The following CCSER1 variants were observed in gnomAD, a reference collection of about 807,000 sequenced individuals.
CCSER1 encodes coiled-coil serine rich protein 1, also known as serine-rich coiled-coil domain-containing protein 1.
Under a neutral mutation model 82.0 loss-of-function variants are expected in CCSER1, and 41 were observed. The observed-to-expected ratio is 0.50, with a 90% CI of 0.39 to 0.65. CCSER1 has a LOEUF of 0.65. CCSER1 is among the 30% of genes least tolerant of loss of function. CCSER1 has a pLI of 0.00. For synonymous variants in CCSER1, 414 were observed against 383.9 expected, an observed-to-expected ratio of 1.08 and a Z score of -0.92; for missense variants, 1,119 against 1,064.2, an observed-to-expected ratio of 1.05 and a Z score of -0.72.
chr4:91,230,682 T>G (rs2149114879), intron 10 of CCSER1, among the ~76,000 whole-genome samples: 1 of 152,022 alleles, frequency 6.6e-6, no homozygotes, highest in Non-Finnish European at 1.5e-5. Context: ...AGGTAAAAGA[T>G]AATACAATAT....
rs893841392 is a variant in CCSER1, at chr4:90,531,822, A to G, written c.1724+63468A>G. Among the ~76,000 whole-genome samples, 3 of 152,124 alleles carry G rather than the reference A, an allele frequency of 2.0e-5. No homozygotes were observed. The South Asian group carries it at 6.2e-4, about 32-fold the overall frequency. ...GCCTTTTCACAAGACTCAGCTACCT[A>G]GTTTTCTTATTAAATTTTGCTCAAA... On this transcript the variant is annotated intron_variant, in intron 5 of 10. Transcript: ENST00000509176.
intron 3 of CCSER1, among the ~76,000 whole-genome samples, chr4:90,388,038 A>G (rs902512743): frequency 6.6e-6 from 1 of 152,252 alleles, no homozygotes. Flanking sequence ...CTAGTATATC[A>G]CCATGAGAAA....
intron 10 of CCSER1, among the ~76,000 whole-genome samples, chr4:91,549,315 AATTC>A (rs1235641749): frequency 4.6e-5 from 7 of 151,890 alleles, no homozygotes; most frequent in Non-Finnish European, 8.8e-5. Context: ...AGTTTTATGA[AATTC>A]ATTATTTGTA....
chr4:90,816,350 AGT>A (rs1425703473), intron 8 of CCSER1, among the ~76,000 whole-genome samples: 1 of 152,094 alleles, frequency 6.6e-6, no homozygotes, highest in Non-Finnish European at 1.5e-5. Context: ...AAAAATATGC[AGT>A]GTGTGTGGTT....
At chr4:90,555,735 A>C (rs114243525) in intron 5 of CCSER1, among the ~76,000 whole-genome samples, 1 of 152,016 alleles carries the variant, frequency 6.6e-6, no homozygotes, top group South Asian at 2.1e-4. Context: ...ACCTATTTAC[A>C]CTTCATTTGA....
chr4:91,156,919 G>T (rs907381214), intron 10 of CCSER1, among the ~76,000 whole-genome samples: 4 of 151,852 alleles, frequency 2.6e-5, no homozygotes, highest in Non-Finnish European at 5.9e-5. Context: ...TCTTATAGCA[G>T]TGATACTTAC....
At chr4:90,715,032 A>T (rs1741367481) in intron 6 of CCSER1, among the ~76,000 whole-genome samples, 1 of 151,934 alleles carries the variant, frequency 6.6e-6, no homozygotes, top group African/African-American at 2.4e-5. Flanking sequence ...CCATAACTTG[A>T]TGTTAGCATC....
intron 8 of CCSER1, among the ~76,000 whole-genome samples, chr4:90,836,820 A>G (rs998036952): frequency 6.6e-6 from 1 of 152,196 alleles, no homozygotes; most frequent in Non-Finnish European, 1.5e-5. Context: ...AATGATCTAA[A>G]TCAGATGTTG....
At chr4:91,241,737 T>C (rs1000312829) in intron 10 of CCSER1, among the ~76,000 whole-genome samples, 2 of 152,310 alleles carry the variant, frequency 1.3e-5, no homozygotes, top group Non-Finnish European at 2.9e-5. Flanking sequence ...TTTTAAAATT[T>C]TATTTACACA....
chr4:90,340,832 A>G (rs1424189327), intron 3 of CCSER1, among the ~76,000 whole-genome samples: 1 of 152,102 alleles, frequency 6.6e-6, no homozygotes, highest in African/African-American at 2.4e-5. Flanking sequence ...TCAGTTATCG[A>G]TGATCCAGCC....
chr4:91,247,046 A>T (rs1197429245), intron 10 of CCSER1, among the ~76,000 whole-genome samples: 1 of 152,184 alleles, frequency 6.6e-6, no homozygotes, highest in Non-Finnish European at 1.5e-5. Context: ...TCACACCTGT[A>T]ATCCCAGCAC....
At chr4:90,649,798 T>A (rs547484900) in intron 6 of CCSER1, among the ~76,000 whole-genome samples, 1 of 152,244 alleles carries the variant, frequency 6.6e-6, no homozygotes, top group Non-Finnish European at 1.5e-5. Flanking sequence ...AAAGAAAGTA[T>A]AATTTAGTGA....
intron 7 of CCSER1, among the ~76,000 whole-genome samples, chr4:90,772,898 G>T (rs939428311): frequency 6.6e-6 from 1 of 152,020 alleles, no homozygotes; most frequent in Non-Finnish European, 1.5e-5. Flanking sequence ...AATCTGTGTT[G>T]CACACGAAAT....
intron 9 of CCSER1, among the ~76,000 whole-genome samples, chr4:90,943,693 G>T (rs572605024): frequency 6.9e-6 from 1 of 144,682 alleles, no homozygotes; most frequent in Non-Finnish European, 1.5e-5. Context: ...CTCCCGAGTA[G>T]CTGGGACTAC....
intron 3 of CCSER1, among the ~76,000 whole-genome samples, chr4:90,314,869 CAG>C (rs1171399315): frequency 6.8e-5 from 6 of 88,558 alleles, no homozygotes; most frequent in Non-Finnish European, 1.2e-4. Flanking sequence ...TTTTTTGAGA[CAG>C]AGTCTCGCTC....
intron 10 of CCSER1, among the ~76,000 whole-genome samples, chr4:91,346,033 CT>C (rs534383177): frequency 1.9e-4 from 28 of 144,734 alleles, no homozygotes; most frequent in Admixed American, 2.1e-4. Flanking sequence ...CTTGACAGCT[CT>C]TTTTTTTTTT....
At chr4:90,503,149 G>C (rs1434815533) in intron 5 of CCSER1, among the ~76,000 whole-genome samples, 1 of 152,128 alleles carries the variant, frequency 6.6e-6, no homozygotes, top group East Asian at 1.9e-4. Context: ...CATTATGAAA[G>C]AGCAAATCTT....
Position 90,151,601 on chromosome 4 carries a change from G to A in CCSER1, c.-42+23770G>A, listed in dbSNP as rs928712136. ...TCTAGAATAAATTGATAGACTGTCA[G>A]AATACTTTGTGTGATTAAGAAAACT... On this transcript the variant is annotated intron_variant, in intron 1 of 10. Coordinates refer to ENST00000509176, the MANE Select transcript of CCSER1 (RefSeq NM_001145065.2). Among the ~76,000 whole-genome samples, 9 of 152,096 alleles carry A rather than the reference G, an allele frequency of 5.9e-5. No homozygotes were observed. The South Asian group carries it at 8.3e-4, about 14-fold the overall frequency.
intron 5 of CCSER1, among the ~76,000 whole-genome samples, chr4:90,559,782 C>CCTGT (rs1778528766): frequency 7.5e-6 from 1 of 132,740 alleles, no homozygotes; most frequent in Non-Finnish European, 1.5e-5. Context: ...TGCACTCCAG[C>CCTGT]CTGGGAGACA....
Sources: gnomAD v4.1 joint callset for allele counts (sites outside exome capture counted in the v4.1 genomes callset) on GRCh38, gnomAD v4.1.1 for gene constraint, MANE v1.5 for transcripts, NCBI Gene and HGNC (gene_info 2026-07-23, HGNC 2026-07-21) for gene names.